Variants in COG5 observed in about 807,000 individuals in gnomAD.
COG5 encodes component of oligomeric golgi complex 5.
Under a neutral mutation model 110.4 loss-of-function variants are expected in COG5, and 86 were observed. The observed-to-expected ratio is 0.78, with a 90% confidence interval of 0.65 to 0.93. The LOEUF is 0.93. Among genes scored for constraint, COG5 ranks in the 40% least tolerant of loss-of-function variants. COG5 has a pLI of 0.00. For synonymous variants in COG5, 360 were observed against 334.6 expected (o/e 1.08, Z -0.83); for missense variants, 1,077 against 987.0 (o/e 1.09, Z -1.22).
rs1407679521 is a variant in COG5, at chr7:107,281,400, C to T, written c.1476-1G>A. On this transcript the variant is annotated splice_acceptor_variant, in intron 13 of 21. Coordinates refer to ENST00000297135, the MANE Select transcript of COG5 (RefSeq NM_006348.5). LOFTEE classifies it high-confidence loss of function. ...ATCAACAGCAGCAACATTTAGTTCA[C>T]TGGAGAAAATGAAAACAGTTTTTAA... The T allele has an allele frequency of 1.2e-6, 2 of 1,608,890 alleles. No homozygotes were observed. Among genetic ancestry groups the T allele is most frequent in the Non-Finnish European group, 1.7e-6 (2 of 1,175,548 alleles).
At position 107,550,058 on chromosome 7, in the gene COG5, C is replaced by G. The variant is rs146144471; in HGVS notation, c.293-1726G>C. On this transcript the variant is annotated intron_variant, in intron 3 of 21. Coordinates refer to ENST00000297135, the MANE Select transcript of COG5 (RefSeq NM_006348.5). ...TACATCAAATGTAAGATACCCAAGA[C>G]AGTTTATGCCCTACCCCCCAACCTA... Among the ~76,000 whole-genome samples, 671 of 152,196 alleles carry G rather than the reference C, an allele frequency of 4.4e-3. 8 individuals carry two copies. The highest frequency in any genetic ancestry group is 0.015 in the African/African-American group (636 of 41,532).
intron 6 of COG5, among the ~76,000 whole-genome samples, chr7:107,476,056 TGC>T (rs1796958363): frequency 6.6e-6 from 1 of 151,038 alleles, no homozygotes; most frequent in Non-Finnish European, 1.5e-5. Flanking sequence ...AAGGACAGTA[TGC>T]CTATAATATA....
chr7:107,524,205 C>A (rs1800564155), intron 6 of COG5, among the ~76,000 whole-genome samples: 1 of 152,190 alleles, frequency 6.6e-6, no homozygotes, highest in Admixed American at 6.5e-5. Flanking sequence ...AGTACACTGA[C>A]AAGGTGGCAC....
intron 10 of COG5, among the ~76,000 whole-genome samples, chr7:107,330,954 T>C (rs985321266): frequency 2.0e-5 from 3 of 151,824 alleles, no homozygotes; most frequent in Admixed American, 6.6e-5. Flanking sequence ...TCCTGAGTAG[T>C]TGGGACTACA....
In COG5 at chr7:107,263,949, G is replaced by A. The variant is rs1282828751; in HGVS notation, c.1576-5566C>T. Among the ~76,000 whole-genome samples, 5 of 152,138 alleles carry A rather than the reference G, an allele frequency of 3.3e-5. No individual in the cohort carries two copies. In the South Asian group the frequency reaches 6.2e-4, roughly 19 times the overall value. ...AACTGACAATTCAAGGGATGAGTTG[G>A]ATGACAACTTTAAGTTTCTATTAAG... On this transcript the variant is annotated intron_variant, in intron 14 of 21. Transcript: ENST00000297135.
In COG5 at chr7:107,370,552, G is replaced by A. The variant is rs902995742; in HGVS notation, c.835+2043C>T. Reference sequence around the variant, plus strand: ...TGTAATCTCAGCACTTTGGGAGGCCGAGGTGGGCGGATCACCTGAGGTCAG... The same window carrying A: ...TGTAATCTCAGCACTTTGGGAGGCCAAGGTGGGCGGATCACCTGAGGTCAG... On this transcript the variant is annotated intron_variant, in intron 8 of 21. Transcript: ENST00000297135. Among the ~76,000 whole-genome samples, 32 of 151,960 alleles carry A rather than the reference G, an allele frequency of 2.1e-4. 1 individual carries two copies. The highest frequency in any genetic ancestry group is 6.2e-4 in the South Asian group (3 of 4,814).
chr7:107,531,706 TAAA>T (rs1801217863), intron 5 of COG5, among the ~76,000 whole-genome samples: 2 of 151,422 alleles, frequency 1.3e-5, no homozygotes, highest in South Asian at 4.2e-4. Context: ...GAAATTGATT[TAAA>T]CATAATAAGG....
chr7:107,302,040 T>C (rs1242520727), intron 11 of COG5, among the ~76,000 whole-genome samples: 2 of 152,190 alleles, frequency 1.3e-5, no homozygotes, highest in Non-Finnish European at 2.9e-5. Context: ...TAGATATTTG[T>C]CCAATAAAAA....
intron 18 of COG5, among the ~76,000 whole-genome samples, chr7:107,231,609 T>A (rs757860495): frequency 6.6e-6 from 1 of 152,178 alleles, no homozygotes; most frequent in Non-Finnish European, 1.5e-5. Context: ...TCCCTGATAG[T>A]ACAGCACCTT....
intron 6 of COG5, among the ~76,000 whole-genome samples, chr7:107,420,861 A>G (rs1793238197): frequency 6.6e-6 from 1 of 152,216 alleles, no homozygotes; most frequent in South Asian, 2.1e-4. Flanking sequence ...CTGAATCTTT[A>G]TATTTCAAGT....
intron 6 of COG5, among the ~76,000 whole-genome samples, chr7:107,494,488 CTA>C (rs1451967001): frequency 6.6e-6 from 1 of 152,158 alleles, no homozygotes; most frequent in Non-Finnish European, 1.5e-5. Flanking sequence ...GTCACCTGCT[CTA>C]TGTTTAGATA....
chr7:107,325,081 A>G (rs1161805088), intron 10 of COG5, among the ~76,000 whole-genome samples: 1 of 152,202 alleles, frequency 6.6e-6, no homozygotes, highest in Non-Finnish European at 1.5e-5. Flanking sequence ...TAGTTTTAAA[A>G]AAACTCAAAG....
chr7:107,216,449 G>A (rs539899915), intron 19 of COG5, among the ~76,000 whole-genome samples: 4 of 152,320 alleles, frequency 2.6e-5, no homozygotes, highest in Admixed American at 2.0e-4. Context: ...GGGAACAGAC[G>A]TCTTCTCAAG....
At chr7:107,484,202 C>T (rs1797519016) in intron 6 of COG5, among the ~76,000 whole-genome samples, 1 of 151,942 alleles carries the variant, frequency 6.6e-6, no homozygotes, top group Non-Finnish European at 1.5e-5. Context: ...AGGCGTGCAC[C>T]AACGCTACCA....
intron 6 of COG5, among the ~76,000 whole-genome samples, chr7:107,467,214 A>G (rs184747957): frequency 2.4e-4 from 37 of 152,330 alleles, no homozygotes; most frequent in Admixed American, 1.6e-3. Context: ...AATCATATCT[A>G]GTGCTTAGTT....
At chr7:107,504,713 C>T (rs1407617376) in intron 6 of COG5, among the ~76,000 whole-genome samples, 7 of 152,058 alleles carry the variant, frequency 4.6e-5, no homozygotes, top group Admixed American at 1.3e-4. Context: ...CTATTTCTTC[C>T]GGATTTAATC....
At chr7:107,521,310 A>C (rs1385954785) in intron 6 of COG5, among the ~76,000 whole-genome samples, 1 of 152,222 alleles carries the variant, frequency 6.6e-6, no homozygotes, top group Non-Finnish European at 1.5e-5. Context: ...TAATTAAACT[A>C]AAGAGCTTCT....
chr7:107,527,949 C>G (rs1169088804), intron 5 of COG5, among the ~76,000 whole-genome samples: 1 of 152,118 alleles, frequency 6.6e-6, no homozygotes, highest in Admixed American at 6.6e-5. Flanking sequence ...CAGGTGGTAC[C>G]AATGTGCAGC....
chr7:107,359,125 C>T (rs1026094368), intron 10 of COG5, among the ~76,000 whole-genome samples: 4 of 152,176 alleles, frequency 2.6e-5, no homozygotes, highest in South Asian at 4.1e-4. Flanking sequence ...AGCTGCCCAG[C>T]CACAGCTGTG....
Sources: gnomAD v4.1 joint callset for allele counts (sites outside exome capture counted in the v4.1 genomes callset) on GRCh38, gnomAD v4.1.1 for gene constraint, MANE v1.5 for transcripts, NCBI Gene and HGNC (gene_info 2026-07-23, HGNC 2026-07-21) for gene names.